Variants in FHIT observed in about 807,000 individuals in gnomAD.
FHIT encodes bis(5'-adenosyl)-triphosphatase.
In FHIT, 19 loss-of-function variants were observed where a neutral mutation model predicts 17.9. The observed-to-expected ratio is 1.06, with a 90% CI of 0.74 to 1.56. FHIT has a LOEUF of 1.56. FHIT is among the 40% of genes most tolerant of loss of function. The pLI, the probability that FHIT is intolerant of heterozygous loss-of-function variation, is 0.00. For missense variants in FHIT, 248 were observed against 189.2 expected (o/e 1.31, Z -1.82); for synonymous variants, 81 against 69.7 (o/e 1.16, Z -0.81).
At chr3:60,400,874 C>T (rs1301541122) in intron 5 of FHIT, among the ~76,000 whole-genome samples, 2 of 151,918 alleles carry the variant, frequency 1.3e-5, no homozygotes, top group Non-Finnish European at 2.9e-5. Context: ...TAGCTGCCAA[C>T]ATTTAAAAGT....
chr3:59,936,135 A>G (rs1706226961), intron 7 of FHIT, among the ~76,000 whole-genome samples: 1 of 152,062 alleles, frequency 6.6e-6, no homozygotes, highest in Admixed American at 6.5e-5. Context: ...GTTCTTCAGT[A>G]TTAACTTCAT....
chr3:59,799,908 G>A (rs569233034), intron 8 of FHIT, among the ~76,000 whole-genome samples: 1 of 152,272 alleles, frequency 6.6e-6, no homozygotes, highest in Non-Finnish European at 1.5e-5. Flanking sequence ...TTTGGAGATT[G>A]CTCAGATATT....
chr3:60,579,881 C>CT (rs782181104), intron 4 of FHIT, among the ~76,000 whole-genome samples: 1 of 152,132 alleles, frequency 6.6e-6, no homozygotes, highest in Non-Finnish European at 1.5e-5. Flanking sequence ...TGGCCAGTTG[C>CT]TTACTTACTC....
chr3:59,789,747 G>A (rs148984697), intron 8 of FHIT, among the ~76,000 whole-genome samples: 5 of 152,022 alleles, frequency 3.3e-5, no homozygotes, highest in African/African-American at 1.2e-4. Context: ...TAGTTTTCAG[G>A]GCCCCTAACT....
intron 5 of FHIT, among the ~76,000 whole-genome samples, chr3:60,242,671 T>A (rs889433579): frequency 3.9e-5 from 6 of 152,022 alleles, no homozygotes; most frequent in Non-Finnish European, 8.8e-5. Context: ...AGCACAGGGA[T>A]CCCCGAAATA....
At chr3:61,188,380 A>G (rs960883266) in intron 2 of FHIT, among the ~76,000 whole-genome samples, 1 of 152,224 alleles carries the variant, frequency 6.6e-6, no homozygotes, top group African/African-American at 2.4e-5. Context: ...AGACTAAACC[A>G]GAAAGAAGTT....
chr3:61,224,590 A>G (rs1012146931), intron 1 of FHIT, among the ~76,000 whole-genome samples: 6 of 151,966 alleles, frequency 3.9e-5, no homozygotes, highest in Admixed American at 1.3e-4. Context: ...TTTTATTTTT[A>G]ATAGAGACGG....
At chr3:60,162,325 C>G (rs951587598) in intron 5 of FHIT, among the ~76,000 whole-genome samples, 1 of 152,114 alleles carries the variant, frequency 6.6e-6, no homozygotes, top group African/African-American at 2.4e-5. Flanking sequence ...TCTATAGTCA[C>G]CTGCCTATTT....
chr3:59,902,990 T>C (rs933371401), intron 8 of FHIT, among the ~76,000 whole-genome samples: 1 of 152,198 alleles, frequency 6.6e-6, no homozygotes, highest in African/African-American at 2.4e-5. Flanking sequence ...GTAAAGGATA[T>C]GTTAATTAGC....
intron 5 of FHIT, among the ~76,000 whole-genome samples, chr3:60,488,105 AT>A (rs1475606550): frequency 6.6e-6 from 1 of 152,226 alleles, no homozygotes; most frequent in Non-Finnish European, 1.5e-5. Flanking sequence ...TACTTAAAGC[AT>A]AAAGGGAAGT....
intron 4 of FHIT, among the ~76,000 whole-genome samples, chr3:60,658,279 T>C (rs1332891839): frequency 1.3e-5 from 2 of 152,156 alleles, no homozygotes; most frequent in African/African-American, 4.8e-5. Flanking sequence ...ACTTCCTTTT[T>C]AAGGCCAACT....
intron 5 of FHIT, among the ~76,000 whole-genome samples, chr3:60,210,980 A>T (rs1703423759): frequency 6.6e-6 from 1 of 151,866 alleles, no homozygotes; most frequent in African/African-American, 2.4e-5. Context: ...TAAAATAACA[A>T]GAGATTGAAA....
At chr3:60,235,193 T>G (rs1704708909) in intron 5 of FHIT, among the ~76,000 whole-genome samples, 1 of 151,858 alleles carries the variant, frequency 6.6e-6, no homozygotes, top group Non-Finnish European at 1.5e-5. Flanking sequence ...CTCTGTTAAG[T>G]AGATTCTATG....
At chr3:61,044,359 G>A (rs537063861) in intron 2 of FHIT, among the ~76,000 whole-genome samples, 9 of 152,110 alleles carry the variant, frequency 5.9e-5, no homozygotes, top group Admixed American at 2.6e-4. Flanking sequence ...TAGCCAATTC[G>A]ATCAAGTGGA....
intron 5 of FHIT, among the ~76,000 whole-genome samples, chr3:60,252,248 A>G (rs1705747897): frequency 6.6e-6 from 1 of 152,218 alleles, no homozygotes; most frequent in Admixed American, 6.5e-5. Context: ...AAAGAAAAAC[A>G]GTGCTTTATA....
chr3:60,817,894 T>C (rs1701794746), intron 4 of FHIT, among the ~76,000 whole-genome samples: 2 of 152,108 alleles, frequency 1.3e-5, no homozygotes, highest in Admixed American at 1.3e-4. Context: ...ACATTTTAAT[T>C]TCTGTTACAC....
chr3:60,286,688 G>A (rs145268023), intron 5 of FHIT, among the ~76,000 whole-genome samples: 1,802 of 152,240 alleles, frequency 0.012, 37 homozygotes, highest in African/African-American at 0.04. Flanking sequence ...AGAGCAACAG[G>A]GAAAGTCGGT....
intron 5 of FHIT, among the ~76,000 whole-genome samples, chr3:60,047,472 T>G (rs1279811908): frequency 6.6e-6 from 1 of 152,224 alleles, no homozygotes; most frequent in Non-Finnish European, 1.5e-5. Context: ...AGCCATGCTC[T>G]TGTAGAAGGA....
chr3:59,941,410 C>G (rs1194335407), intron 7 of FHIT, among the ~76,000 whole-genome samples: 2 of 152,056 alleles, frequency 1.3e-5, no homozygotes, highest in Middle Eastern at 3.4e-3. Flanking sequence ...GAAAATTGCT[C>G]TACATTATGA....
Sources: allele counts gnomAD v4.1 joint callset (sites outside exome capture counted in the v4.1 genomes callset), GRCh38; gene constraint gnomAD v4.1.1; transcripts MANE v1.5; gene names NCBI Gene and HGNC (gene_info 2026-07-23, HGNC 2026-07-21).